Variants in SKAP2 observed in about 807,000 individuals in gnomAD.
SKAP2 encodes the protein src kinase associated phosphoprotein 2.
SKAP2 carries 28 observed loss-of-function variants against 54.9 expected under a neutral mutation model. The ratio of observed to expected loss-of-function variants is 0.51; its 90% CI spans 0.38 to 0.70. The LOEUF is 0.70. SKAP2 is among the 30% of genes least tolerant of loss of function. The probability of loss-of-function intolerance (pLI) is 0.00; values close to 1 mark genes in which losing one functional copy is unlikely to be tolerated. For missense variants in SKAP2, 356 were observed against 424.1 expected (o/e 0.84, Z 1.41); for synonymous variants, 137 against 134.3 (o/e 1.02, Z -0.14).
intron 9 of SKAP2, among the ~76,000 whole-genome samples, chr7:26,715,845 G>A (rs984211316): frequency 2.6e-5 from 4 of 152,134 alleles, no homozygotes; most frequent in African/African-American, 7.2e-5. Flanking sequence ...ACTAATTTCA[G>A]TGTATTTCAT....
At chr7:26,759,878 TAA>T (rs934015576) in intron 4 of SKAP2, among the ~76,000 whole-genome samples, 5 of 152,050 alleles carry the variant, frequency 3.3e-5, no homozygotes, top group African/African-American at 1.2e-4. Flanking sequence ...GTGTGTGAAG[TAA>T]AAGTGACAGT....
intron 4 of SKAP2, among the ~76,000 whole-genome samples, chr7:26,768,489 T>C (rs192868407): frequency 6.6e-6 from 1 of 152,342 alleles, no homozygotes; most frequent in Non-Finnish European, 1.5e-5. Context: ...ATGAATTTGA[T>C]CCTGTCATTA....
In SKAP2 at chr7:26,821,457, C is replaced by T. The variant is rs1296362679; in HGVS notation, c.307+22573G>A. On this transcript the variant is annotated intron_variant, in intron 4 of 12. Transcript: ENST00000345317. ...CAAAAGCAGCAATTCTCCTGGTTTA[C>T]CTGTGAGGAAAGTTGGAGAAAATGT... Among the ~76,000 whole-genome samples, 5 of 152,252 alleles carry T rather than the reference C, an allele frequency of 3.3e-5. No individual in the cohort carries two copies. In the East Asian group the frequency reaches 9.6e-4, roughly 29 times the overall value.
chr7:26,686,508 T>A (rs925021326), intron 10 of SKAP2, among the ~76,000 whole-genome samples: 5 of 152,080 alleles, frequency 3.3e-5, no homozygotes, highest in African/African-American at 7.2e-5. Flanking sequence ...TACATTTTTT[T>A]CCCCAAAGCA....
intron 4 of SKAP2, among the ~76,000 whole-genome samples, chr7:26,787,249 T>C (rs1163242620): frequency 6.6e-6 from 1 of 152,194 alleles, no homozygotes; most frequent in Non-Finnish European, 1.5e-5. Context: ...AGAGGTTTCG[T>C]TGGCTTACGG....
intron 4 of SKAP2, among the ~76,000 whole-genome samples, chr7:26,812,958 C>G (rs1311726794): frequency 1.3e-5 from 2 of 151,916 alleles, no homozygotes; most frequent in African/African-American, 4.8e-5. Flanking sequence ...TTATAAATAC[C>G]TCTGTCTTCT....
intron 4 of SKAP2, among the ~76,000 whole-genome samples, chr7:26,812,551 G>A (rs539252717): frequency 6.6e-6 from 1 of 151,970 alleles, no homozygotes; most frequent in Admixed American, 6.6e-5. Flanking sequence ...TCAACCAATG[G>A]CAATTAATCT....
intron 4 of SKAP2, among the ~76,000 whole-genome samples, chr7:26,812,236 A>G (rs766238933): frequency 6.6e-6 from 1 of 152,212 alleles, no homozygotes; most frequent in Non-Finnish European, 1.5e-5. Context: ...GTAAGTAAAT[A>G]GAGTGATGGT....
At chr7:26,842,672 A>G (rs1784841239) in intron 4 of SKAP2, among the ~76,000 whole-genome samples, 1 of 105,040 alleles carries the variant, frequency 9.5e-6, no homozygotes, top group South Asian at 3.3e-4. Context: ...CCAACATTTT[A>G]CAGAGAAATA....
chr7:26,786,897 A>C (rs1783558671), intron 4 of SKAP2, among the ~76,000 whole-genome samples: 1 of 152,168 alleles, frequency 6.6e-6, no homozygotes, highest in Non-Finnish European at 1.5e-5. Context: ...TTTAGACAGC[A>C]ATTATCTAAT....
At chr7:26,810,190 C>T (rs1055067187) in intron 4 of SKAP2, among the ~76,000 whole-genome samples, 1 of 151,982 alleles carries the variant, frequency 6.6e-6, no homozygotes. Flanking sequence ...AAAAAATTAG[C>T]CAGTCATTGT....
At chr7:26,693,063 C>T (rs950586200) in intron 9 of SKAP2, among the ~76,000 whole-genome samples, 3 of 152,186 alleles carry the variant, frequency 2.0e-5, no homozygotes, top group East Asian at 1.9e-4. Flanking sequence ...TGGGCATGGT[C>T]GGTCACGCCT....
the SKAP2 span, among the ~76,000 whole-genome samples, chr7:26,660,620 G>A: frequency 7.2e-5 from 11 of 151,954 alleles, no homozygotes; most frequent in Non-Finnish European, 1.5e-4. Flanking sequence ...TTTAATCACA[G>A]TTGCCACAAT....
chr7:26,757,389 A>G (rs1219190732), intron 4 of SKAP2, among the ~76,000 whole-genome samples: 1 of 152,158 alleles, frequency 6.6e-6, no homozygotes, highest in African/African-American at 2.4e-5. Context: ...CTTTCTACAT[A>G]TGGCTGGCCA....
intron 1 of SKAP2, among the ~76,000 whole-genome samples, chr7:26,863,618 T>C (rs73069538): frequency 0.087 from 13,203 of 152,284 alleles, 731 homozygotes; most frequent in Non-Finnish European, 0.14. Context: ...AACCACGTTT[T>C]TAGCTCCTAA....
chr7:26,837,122 G>A (rs1784730195), intron 4 of SKAP2, among the ~76,000 whole-genome samples: 1 of 152,148 alleles, frequency 6.6e-6, no homozygotes, highest in Admixed American at 6.5e-5. Context: ...ACTCATAAGT[G>A]GGAGTTGAAC....
chr7:26,779,648 G>A (rs1000419817), intron 4 of SKAP2, among the ~76,000 whole-genome samples: 20 of 151,938 alleles, frequency 1.3e-4, no homozygotes, highest in African/African-American at 4.3e-4. Context: ...GTTCATGCAC[G>A]ACTTGATTTC....
intron 3 of SKAP2, among the ~76,000 whole-genome samples, chr7:26,852,349 C>CT (rs758008283): frequency 7.2e-5 from 11 of 152,146 alleles, no homozygotes; most frequent in Non-Finnish European, 1.3e-4. Context: ...CAGGAATAGT[C>CT]TTTTTAGAAC....
At chr7:26,700,608 G>A (rs1422650677) in intron 9 of SKAP2, among the ~76,000 whole-genome samples, 3 of 152,154 alleles carry the variant, frequency 2.0e-5, no homozygotes, top group Admixed American at 1.3e-4. Flanking sequence ...AGCTAATGCA[G>A]GAATACAAAG....
Sources: allele counts gnomAD v4.1 joint callset (sites outside exome capture counted in the v4.1 genomes callset), GRCh38; gene constraint gnomAD v4.1.1; transcripts MANE v1.5; gene names NCBI Gene and HGNC (gene_info 2026-07-23, HGNC 2026-07-21).